ITPR1: variants seen among roughly 807,000 people sequenced by gnomAD.
ITPR1 encodes inositol 1,4,5-trisphosphate-gated calcium channel ITPR1.
A neutral mutation model predicts 318.4 loss-of-function variants in ITPR1; 96 were observed. That is an observed-to-expected ratio of 0.30 (90% CI 0.26 to 0.36). The LOEUF is 0.36. Ranked by LOEUF, ITPR1 falls within the 10% of genes least tolerant of loss-of-function variation. The pLI is 1.00. For synonymous variants in ITPR1, 1,312 were observed against 1,289.9 expected (o/e 1.02, Z -0.37); for missense variants, 2,440 against 3,460.2 (o/e 0.71, Z 7.40).
chr3:4,759,441 C>G (rs950655437), intron 44 of ITPR1, among the ~76,000 whole-genome samples: 7 of 152,172 alleles, frequency 4.6e-5, no homozygotes, highest in African/African-American at 1.7e-4. Context: ...TTCAACCAGC[C>G]ACACCCCAGT....
intron 11 of ITPR1, among the ~76,000 whole-genome samples, chr3:4,653,401 C>A (rs1359733746): frequency 6.6e-6 from 1 of 152,200 alleles, no homozygotes. Context: ...GAATTACAGA[C>A]CCAGCTAATC....
At position 4,669,692 on chromosome 3, in the gene ITPR1, A is replaced by G. The variant is rs1389594446; in HGVS notation, c.1925A>G (p.Asn642Ser). Residue 642 changes from asparagine to serine, a missense_variant, in exon 19 of 62, where the codon AAC (asparagine) becomes AGC (serine). Physicochemically the swap from Asn to Ser is conservative, Grantham distance 46 (BLOSUM62 1). This residue lies in a region of ITPR1 where 478 missense variants were observed against 696.3 expected (regional missense o/e 0.69). Coordinates refer to ENST00000649015, the MANE Select transcript of ITPR1 (RefSeq NM_001378452.1). ...CTCTCCGACCTCTGTGTCTCCATGAACAAATCAATTCCAGTGACCCAGGAA... is the reference window on the plus strand; with the variant it reads ...CTCTCCGACCTCTGTGTCTCCATGAGCAAATCAATTCCAGTGACCCAGGAA... Reference protein sequence around the residue: ...DYLSDLCVSMNKSIPVTQELI... With the variant: ...DYLSDLCVSMSKSIPVTQELI... The G allele has an allele frequency of 6.2e-7, 1 of 1,613,322 alleles. No homozygotes were observed. Among genetic ancestry groups the G allele is most frequent in the Non-Finnish European group, 8.5e-7 (1 of 1,179,444 alleles).
In ITPR1 at chr3:4,693,517, G is replaced by T; in HGVS notation, c.4057G>T (p.Val1353Leu). 1 of 1,613,888 alleles carries T rather than the reference G, an allele frequency of 6.2e-7. No individual in the cohort carries two copies. Reference protein sequence around the residue: ...ELVNSGEDVLVFYNDRASFQT... With the variant: ...ELVNSGEDVLLFYNDRASFQT... Reference sequence around the variant, plus strand: ...GGTCAATTCGGGAGAGGATGTCCTCGTGTTCTACAACGACAGAGCCTCTTT... The same window carrying T: ...GGTCAATTCGGGAGAGGATGTCCTCTTGTTCTACAACGACAGAGCCTCTTT... Residue 1353 changes from valine to leucine, a missense_variant, in exon 33 of 62, where the codon GTG becomes TTG. Coordinates refer to ENST00000649015, the MANE Select transcript of ITPR1 (RefSeq NM_001378452.1).
chr3:4,612,729 A>C (rs1401281898), intron 4 of ITPR1, among the ~76,000 whole-genome samples: 1 of 152,086 alleles, frequency 6.6e-6, no homozygotes, highest in East Asian at 1.9e-4. Flanking sequence ...TCTACTAAAA[A>C]TACAAAAATT....
At chr3:4,566,970 G>A (rs1427855598) in intron 4 of ITPR1, among the ~76,000 whole-genome samples, 1 of 152,214 alleles carries the variant, frequency 6.6e-6, no homozygotes, top group Non-Finnish European at 1.5e-5. Context: ...GTAATGCAAT[G>A]TAGGTTAAGA....
At chr3:4,584,901 C>G (rs1009232099) in intron 4 of ITPR1, among the ~76,000 whole-genome samples, 1 of 152,132 alleles carries the variant, frequency 6.6e-6, no homozygotes, top group African/African-American at 2.4e-5. Flanking sequence ...GAGGCAAATA[C>G]AAGACATCTA....
At chr3:4,528,672 C>T (rs2083176006) in intron 4 of ITPR1, among the ~76,000 whole-genome samples, 1 of 152,152 alleles carries the variant, frequency 6.6e-6, no homozygotes, top group Non-Finnish European at 1.5e-5. Context: ...ATAGGACTTA[C>T]TTTCTGCCTG....
At chr3:4,530,896 T>C (rs1427471925) in intron 4 of ITPR1, among the ~76,000 whole-genome samples, 1 of 152,166 alleles carries the variant, frequency 6.6e-6, no homozygotes, top group African/African-American at 2.4e-5. Flanking sequence ...TAATGTTTGA[T>C]CTTTTTTCTC....
chr3:4,728,950 A>G (rs546497913), intron 42 of ITPR1, among the ~76,000 whole-genome samples: 48 of 152,338 alleles, frequency 3.2e-4, no homozygotes, highest in African/African-American at 1.1e-3. Flanking sequence ...ACATGAGGCT[A>G]TAGCCCTTCT....
chr3:4,528,707 C>G (rs1304058704), intron 4 of ITPR1, among the ~76,000 whole-genome samples: 1 of 152,106 alleles, frequency 6.6e-6, no homozygotes, highest in Non-Finnish European at 1.5e-5. Context: ...GCAGAAAAAT[C>G]AGTCTATTTA....
At chr3:4,576,060 T>G (rs529987181) in intron 4 of ITPR1, among the ~76,000 whole-genome samples, 13 of 152,022 alleles carry the variant, frequency 8.6e-5, no homozygotes, top group African/African-American at 2.7e-4. Flanking sequence ...GATAAGAGAT[T>G]TATAGTCTAA....
rs147813858 is a variant in ITPR1 at position 4,738,837 on chromosome 3, G to A, written c.5544+3483G>A. On this transcript the variant is annotated intron_variant, in intron 44 of 61. Transcript: ENST00000649015. ...GTTCAGCCACGTGTGGAGCAGGGATGTTTTCTCTTGGGGGAACGCAGGGGT... is the reference window on the plus strand; with the variant it reads ...GTTCAGCCACGTGTGGAGCAGGGATATTTTCTCTTGGGGGAACGCAGGGGT... 5.2e-3 allele frequency among the ~76,000 whole-genome samples: 792 copies of A among 152,286 alleles called. 11 individuals carry two copies. The highest frequency in any genetic ancestry group is 3.1e-3 in the Non-Finnish European group (214 of 68,028).
chr3:4,672,334 T>G (rs907899038), intron 20 of ITPR1, among the ~76,000 whole-genome samples: 10 of 152,250 alleles, frequency 6.6e-5, no homozygotes, highest in Admixed American at 6.5e-4. Flanking sequence ...TTTTTGGTAA[T>G]TTTATAAGTG....
chr3:4,696,675 T>G lies in ITPR1; in HGVS notation c.4282-472T>G, dbSNP rs200763328. ...TGAAGTTGAGCCCCTTGCCGTGTGT[T>G]TTTTTTTTTTTTTTTTTGACATTTG... On this transcript the variant is annotated intron_variant, in intron 33 of 61. Transcript: ENST00000649015. Among the ~76,000 whole-genome samples the G allele has an allele frequency of 7.4e-3, 324 of 44,008 alleles. 1 individual carries two copies. The highest frequency in any genetic ancestry group is 0.012 in the Non-Finnish European group (209 of 16,946). The allele number at this position is 44,008 out of a possible 152,430, so 28.9% of individuals were successfully genotyped here.
chr3:4,549,102 A>G (rs2085307776), intron 4 of ITPR1, among the ~76,000 whole-genome samples: 1 of 152,218 alleles, frequency 6.6e-6, no homozygotes, highest in Non-Finnish European at 1.5e-5. Context: ...GTTAATTTTT[A>G]TGAATTATTA....
intron 2 of ITPR1, among the ~76,000 whole-genome samples, chr3:4,500,618 G>A (rs1235264714): frequency 1.3e-5 from 2 of 152,200 alleles, no homozygotes; most frequent in Non-Finnish European, 2.9e-5. Context: ...TTTCCTAGGT[G>A]AAAGTATTTC....
intron 55 of ITPR1, 106 bp downstream of exon 55, chr3:4,806,373 T>A: frequency 2.7e-6 from 3 of 1,107,896 alleles, no homozygotes; most frequent in African/African-American, 1.5e-5. Context: ...TTGGTGTGCC[T>A]GGTCCACCAA....
chr3:4,729,357 C>T (rs2042742947), intron 42 of ITPR1, among the ~76,000 whole-genome samples: 1 of 152,086 alleles, frequency 6.6e-6, no homozygotes, highest in Non-Finnish European at 1.5e-5. Flanking sequence ...CTTGTAGATA[C>T]CTTGTGGAGT....
chr3:4,806,859 A>G (rs1358794211), intron 55 of ITPR1, among the ~76,000 whole-genome samples: 1 of 152,108 alleles, frequency 6.6e-6, no homozygotes, highest in Non-Finnish European at 1.5e-5. Flanking sequence ...AGGTTTTTAA[A>G]TGACAAATCA....
Sources: gnomAD v4.1 joint callset for allele counts (sites outside exome capture counted in the v4.1 genomes callset) on GRCh38, gnomAD v4.1.1 for gene constraint, gnomAD v4.1.1 regional missense constraint, MANE v1.5 for transcripts, NCBI Gene and HGNC (gene_info 2026-07-23, HGNC 2026-07-21) for gene names.